CCBE1: variants seen among roughly 807,000 people sequenced by gnomAD.
The protein encoded by CCBE1 is collagen and calcium binding EGF domains 1.
Under a neutral mutation model 50.0 loss-of-function variants are expected in CCBE1, and 37 were observed. That is an observed-to-expected ratio of 0.74 (90% confidence interval 0.57 to 0.97). The LOEUF (loss-of-function observed/expected upper bound fraction) is 0.97. Among genes scored for constraint, CCBE1 ranks in the 50% least tolerant of loss-of-function variants. The probability of loss-of-function intolerance (pLI) is 0.00; values close to 1 mark genes in which losing one functional copy is unlikely to be tolerated. For synonymous variants in CCBE1, 234 were observed against 203.7 expected (o/e 1.15, Z -1.27); for missense variants, 538 against 523.8 (o/e 1.03, Z -0.26).
intron 7 of CCBE1, among the ~76,000 whole-genome samples, chr18:59,441,219 A>G (rs1910405628): frequency 6.6e-6 from 1 of 152,186 alleles, no homozygotes; most frequent in Non-Finnish European, 1.5e-5. Context: ...TCAGACATGG[A>G]AAGAAAAGGG....
chr18:59,543,845 A>AC (rs1555690333), intron 2 of CCBE1, among the ~76,000 whole-genome samples: 4 of 147,050 alleles, frequency 2.7e-5, no homozygotes, highest in Admixed American at 6.9e-5. Context: ...AAAAAAAAAA[A>AC]AAAAAAAAAA....
chr18:59,462,758 G>A (rs889429525), intron 5 of CCBE1, among the ~76,000 whole-genome samples: 4 of 152,058 alleles, frequency 2.6e-5, no homozygotes, highest in Non-Finnish European at 5.9e-5. Flanking sequence ...GGAAGTGGGT[G>A]CAGTGAGGCA....
intron 2 of CCBE1, among the ~76,000 whole-genome samples, chr18:59,545,013 G>C (rs1915626409): frequency 6.6e-6 from 1 of 152,132 alleles, no homozygotes; most frequent in African/African-American, 2.4e-5. Context: ...ACAATTGAAA[G>C]AGCTCAAAAC....
chr18:59,543,415 T>G (rs1346676719), intron 2 of CCBE1, among the ~76,000 whole-genome samples: 1 of 152,200 alleles, frequency 6.6e-6, no homozygotes, highest in Non-Finnish European at 1.5e-5. Flanking sequence ...ATGGCTAATA[T>G]TTAGGATTAA....
intron 10 of CCBE1, 80 bp downstream of exon 10, chr18:59,438,031 C>T (rs1328866805): frequency 1.2e-5 from 18 of 1,477,048 alleles, no homozygotes; most frequent in Non-Finnish European, 1.4e-5. Flanking sequence ...GCTTTTGCTA[C>T]TAGACCAACC....
chr18:59,656,236 G>A (rs751290913), intron 2 of CCBE1, among the ~76,000 whole-genome samples: 23 of 152,178 alleles, frequency 1.5e-4, no homozygotes, highest in Non-Finnish European at 3.1e-4. Flanking sequence ...ATAGGATGGG[G>A]TAAGATTTCT....
chr18:59,474,881 C>G (rs899770787), intron 3 of CCBE1, among the ~76,000 whole-genome samples: 1 of 152,132 alleles, frequency 6.6e-6, no homozygotes, highest in African/African-American at 2.4e-5. Flanking sequence ...ACAATTCAAC[C>G]TTTTGGATTG....
In CCBE1 at chr18:59,435,616, C is replaced by A; in HGVS notation, c.*292G>T. ...AAGACACTGTGAGAGTACTTAAATCCAAAGTTCCTGGAAAAATAGGATGTA... is the reference window on the plus strand; with the variant it reads ...AAGACACTGTGAGAGTACTTAAATCAAAAGTTCCTGGAAAAATAGGATGTA... On this transcript the variant is annotated 3_prime_UTR_variant, in exon 11 of 11. Transcript: ENST00000439986. 2.2e-6 allele frequency: 1 copy of A among 451,342 alleles called. No homozygotes were observed. The highest frequency in any genetic ancestry group is 4.1e-6 in the Non-Finnish European group (1 of 246,504). 28.0% of individuals were successfully genotyped at this position (451,342 alleles called of 1,614,324 possible).
At chr18:59,694,194 T>A (rs550325229) in intron 2 of CCBE1, among the ~76,000 whole-genome samples, 42 of 152,278 alleles carry the variant, frequency 2.8e-4, no homozygotes, top group African/African-American at 8.9e-4. Flanking sequence ...AAGTCATTTT[T>A]AAACACACTT....
intron 2 of CCBE1, among the ~76,000 whole-genome samples, chr18:59,507,891 CT>C (rs1420223482): frequency 6.9e-6 from 1 of 144,746 alleles, no homozygotes; most frequent in African/African-American, 2.6e-5. Context: ...TTTCCTCTTT[CT>C]TTTCCTTTTT....
chr18:59,529,895 T>C (rs1161582251), intron 2 of CCBE1, among the ~76,000 whole-genome samples: 1 of 152,206 alleles, frequency 6.6e-6, no homozygotes, highest in South Asian at 2.1e-4. Flanking sequence ...CTCAAACCTA[T>C]ACTGTCTTGA....
At chr18:59,674,546 C>T (rs1178569810) in intron 2 of CCBE1, among the ~76,000 whole-genome samples, 2 of 152,098 alleles carry the variant, frequency 1.3e-5, no homozygotes, top group Non-Finnish European at 2.9e-5. Context: ...TGCAGCAAAC[C>T]ACCATGGCAC....
At chr18:59,652,475 C>CT (rs1490146611) in intron 2 of CCBE1, among the ~76,000 whole-genome samples, 1 of 108,442 alleles carries the variant, frequency 9.2e-6, no homozygotes, top group Non-Finnish European at 2.3e-5. Context: ...CAAACTGACT[C>CT]CCCCCCTTTT....
intron 2 of CCBE1, among the ~76,000 whole-genome samples, chr18:59,549,828 G>A (rs186529763): frequency 1.1e-4 from 16 of 152,304 alleles, no homozygotes; most frequent in Non-Finnish European, 1.9e-4. Context: ...TAGGCATGGG[G>A]TAAAGAGTAC....
rs1456720753 is a variant in CCBE1 at position 59,431,518 on chromosome 18, A to G, written c.*4390T>C. 1 of 152,150 alleles carries G rather than the reference A, an allele frequency of 6.6e-6. No individual in the cohort carries two copies. The highest frequency in any genetic ancestry group is 2.4e-5 in the African/African-American group (1 of 41,414). 9.4% of individuals were successfully genotyped at this position (152,150 alleles called of 1,614,324 possible). On this transcript the variant is annotated 3_prime_UTR_variant, in exon 11 of 11. Coordinates refer to ENST00000439986, the MANE Select transcript of CCBE1 (RefSeq NM_133459.4). Reference sequence around the variant, plus strand: ...TGAGAAGTGGGGAGAGAGAGTGGGGAATGACACCCAAAATATGATGGGGGA... The same window carrying G: ...TGAGAAGTGGGGAGAGAGAGTGGGGGATGACACCCAAAATATGATGGGGGA...
intron 7 of CCBE1, among the ~76,000 whole-genome samples, chr18:59,447,146 T>C (rs1362018769): frequency 6.6e-6 from 1 of 152,214 alleles, no homozygotes; most frequent in African/African-American, 2.4e-5. Context: ...GTATACTGAA[T>C]GAAAGAAGCT....
intron 7 of CCBE1, among the ~76,000 whole-genome samples, chr18:59,444,503 G>A (rs900703057): frequency 6.6e-6 from 1 of 151,206 alleles, no homozygotes; most frequent in Admixed American, 6.6e-5. Flanking sequence ...CCATATCCTT[G>A]TCAATACTTA....
chr18:59,629,026 G>A (rs748956338), intron 2 of CCBE1, among the ~76,000 whole-genome samples: 2 of 152,068 alleles, frequency 1.3e-5, no homozygotes, highest in Non-Finnish European at 2.9e-5. Context: ...TTTCCCCTAG[G>A]ATGTATGCAC....
intron 2 of CCBE1, among the ~76,000 whole-genome samples, chr18:59,645,940 A>G (rs1246735211): frequency 6.6e-6 from 1 of 152,046 alleles, no homozygotes; most frequent in Non-Finnish European, 1.5e-5. Flanking sequence ...CTGAGGCAGG[A>G]GAATGGTGTG....
Sources: allele counts gnomAD v4.1 joint callset (sites outside exome capture counted in the v4.1 genomes callset), GRCh38; gene constraint gnomAD v4.1.1; transcripts MANE v1.5; gene names NCBI Gene and HGNC (gene_info 2026-07-23, HGNC 2026-07-21).